Variants in UNC13C observed in about 807,000 individuals in gnomAD.
UNC13C encodes the protein protein unc-13 homolog C.
Under a neutral mutation model 245.4 loss-of-function variants are expected in UNC13C, and 174 were observed. The observed-to-expected ratio is 0.71, with a 90% CI of 0.63 to 0.80. The LOEUF (loss-of-function observed/expected upper bound fraction) is 0.80. Ranked by LOEUF, UNC13C falls within the 30% of genes least tolerant of loss-of-function variation. The probability of loss-of-function intolerance (pLI) is 0.00; values close to 1 mark genes in which losing one functional copy is unlikely to be tolerated. For missense variants in UNC13C, 2,829 were observed against 2,602.9 expected, an observed-to-expected ratio of 1.09 and a Z score of -1.89; for synonymous variants, 992 against 895.1, an observed-to-expected ratio of 1.11 and a Z score of -1.93.
Position 54,294,071 on chromosome 15 carries a change from T to G in UNC13C, c.3988+7T>G. ...GATGTCTGGTACAACTTAGGTGATT[T>G]TTTTTTTTATCTACTTGAAAACGAG... On this transcript the variant is annotated splice_region_variant and intron_variant, in intron 11 of 32. Transcript: ENST00000260323. 6.7e-7 allele frequency: 1 copy of G among 1,499,902 alleles called. No homozygotes were observed. Among genetic ancestry groups the G allele is most frequent in the Non-Finnish European group, 8.9e-7 (1 of 1,128,658 alleles). 92.9% of individuals were successfully genotyped at this position (1,499,902 alleles called of 1,614,324 possible).
intron 13 of UNC13C, among the ~76,000 whole-genome samples, chr15:54,317,154 A>G (rs1408813025): frequency 5.3e-5 from 8 of 151,976 alleles, no homozygotes. Context: ...TATAATTACT[A>G]TTTGACTATA....
intron 14 of UNC13C, among the ~76,000 whole-genome samples, chr15:54,329,292 A>G (rs1008935489): frequency 4.6e-5 from 7 of 151,962 alleles, no homozygotes; most frequent in African/African-American, 1.4e-4. Context: ...GAACATTCCA[A>G]TTCCACTCTT....
chr15:54,126,226 C>G (rs1240421616), intron 2 of UNC13C, among the ~76,000 whole-genome samples: 1 of 151,950 alleles, frequency 6.6e-6, no homozygotes, highest in African/African-American at 2.4e-5. Context: ...TATATGCTCT[C>G]CATAAGGAAC....
chr15:54,520,862 A>G (rs779523638), intron 24 of UNC13C, among the ~76,000 whole-genome samples: 2 of 152,302 alleles, frequency 1.3e-5, no homozygotes, highest in African/African-American at 2.4e-5. Context: ...TGGAGTCAAC[A>G]AGTCTGACAC....
intron 4 of UNC13C, among the ~76,000 whole-genome samples, chr15:54,211,800 GC>G (rs1378635865): frequency 6.6e-6 from 1 of 152,114 alleles, no homozygotes; most frequent in African/African-American, 2.4e-5. Context: ...AAGGAAATGA[GC>G]TTGTATGACA....
intron 24 of UNC13C, 60 bp from the exon 25 acceptor site, chr15:54,525,489 C>A: frequency 7.8e-7 from 1 of 1,283,360 alleles, no homozygotes; most frequent in Non-Finnish European, 1.1e-6. Flanking sequence ...TGCTTGTAAG[C>A]AAAACAGAGG....
chr15:53,987,949 CA>C (rs1894218936), intron 1 of UNC13C, among the ~76,000 whole-genome samples: 1 of 152,076 alleles, frequency 6.6e-6, no homozygotes, highest in South Asian at 2.1e-4. Flanking sequence ...GCAGCTTTTG[CA>C]GGAGAAATGA....
chr15:54,389,895 G>A (rs1456537676), intron 17 of UNC13C, among the ~76,000 whole-genome samples: 1 of 151,966 alleles, frequency 6.6e-6, no homozygotes, highest in Admixed American at 6.6e-5. Context: ...TGCCCAGCTA[G>A]TTTCTGCATT....
chr15:54,447,405 A>C (rs935805009), intron 19 of UNC13C, among the ~76,000 whole-genome samples: 13 of 152,022 alleles, frequency 8.6e-5, no homozygotes, highest in African/African-American at 2.7e-4. Flanking sequence ...CTGGTCCTGG[A>C]ATTTTTTTGG....
At chr15:54,467,959 A>T (rs1309153634) in intron 19 of UNC13C, among the ~76,000 whole-genome samples, 1 of 151,606 alleles carries the variant, frequency 6.6e-6, no homozygotes, top group Admixed American at 6.6e-5. Flanking sequence ...ACTGATTTCA[A>T]TTCCTTTGGC....
At chr15:54,106,282 G>A (rs542691729) in intron 2 of UNC13C, among the ~76,000 whole-genome samples, 2 of 152,262 alleles carry the variant, frequency 1.3e-5, no homozygotes, top group Admixed American at 6.5e-5. Flanking sequence ...TACAGTTTGG[G>A]ATTGTCAAAG....
the UNC13C span, among the ~76,000 whole-genome samples, chr15:53,946,687 T>C: frequency 6.7e-6 from 1 of 150,256 alleles, no homozygotes; most frequent in African/African-American, 2.4e-5. Context: ...TTTTTTTTTT[T>C]TTTTTTTTTT....
intron 4 of UNC13C, 86 bp from the exon 5 acceptor site, chr15:54,234,944 C>A: frequency 1.7e-6 from 2 of 1,185,536 alleles, no homozygotes; most frequent in Non-Finnish European, 1.2e-6. Context: ...ATCTTTTTCA[C>A]AGACTTTATA....
chr15:54,243,729 G>C (rs183876017), intron 7 of UNC13C, among the ~76,000 whole-genome samples: 25 of 152,298 alleles, frequency 1.6e-4, no homozygotes, highest in Admixed American at 7.2e-4. Flanking sequence ...AATGATCAGT[G>C]ATGTTGAGCT....
intron 17 of UNC13C, among the ~76,000 whole-genome samples, chr15:54,355,078 G>T (rs1442815895): frequency 2.0e-5 from 3 of 152,026 alleles, no homozygotes; most frequent in African/African-American, 7.2e-5. Flanking sequence ...GCCCCCTCCA[G>T]ACTCTACAGA....
chr15:54,258,456 C>T (rs149134522), intron 8 of UNC13C, among the ~76,000 whole-genome samples: 29 of 152,198 alleles, frequency 1.9e-4, no homozygotes, highest in Middle Eastern at 3.4e-3. Context: ...CTTCACCTGC[C>T]GGGTTCAAGC....
At chr15:54,441,410 A>G (rs577416809) in intron 19 of UNC13C, among the ~76,000 whole-genome samples, 1 of 152,236 alleles carries the variant, frequency 6.6e-6, no homozygotes, top group East Asian at 1.9e-4. Context: ...TTCTAGCACC[A>G]TTTATTTAAG....
intron 17 of UNC13C, among the ~76,000 whole-genome samples, chr15:54,359,765 G>A (rs574983179): frequency 2.6e-5 from 4 of 151,606 alleles, no homozygotes; most frequent in Non-Finnish European, 5.9e-5. Context: ...CTAACTAAAG[G>A]TTTATAATTG....
intron 29 of UNC13C, among the ~76,000 whole-genome samples, chr15:54,560,758 T>A (rs1200838781): frequency 6.6e-6 from 1 of 151,828 alleles, no homozygotes; most frequent in Non-Finnish European, 1.5e-5. Context: ...TAGGAGGTGA[T>A]TAAGAGAGAG....
Sources: gnomAD v4.1 joint callset for allele counts (sites outside exome capture counted in the v4.1 genomes callset) on GRCh38, gnomAD v4.1.1 for gene constraint, MANE v1.5 for transcripts, NCBI Gene and HGNC (gene_info 2026-07-23, HGNC 2026-07-21) for gene names.